Variants in MAP2K1 observed in about 807,000 individuals in gnomAD.
MAP2K1 encodes the protein dual specificity mitogen-activated protein kinase kinase 1.
Under a neutral mutation model 46.3 loss-of-function variants are expected in MAP2K1, and 16 were observed. That is an observed-to-expected ratio of 0.35 (90% CI 0.23 to 0.52). The LOEUF is 0.52. MAP2K1 is among the 20% of genes least tolerant of loss of function. The pLI, the probability that MAP2K1 is intolerant of heterozygous loss-of-function variation, is 0.94. For missense variants in MAP2K1, 263 were observed against 497.1 expected (o/e 0.53, Z 4.48); for synonymous variants, 183 against 185.6 (o/e 0.99, Z 0.11).
chr15:66,489,806 A>G (rs772288069), intron 10 of MAP2K1, 43 bp downstream of exon 10: 34 of 1,511,808 alleles, frequency 2.2e-5, no homozygotes, highest in Non-Finnish European at 3.0e-5. Flanking sequence ...CTGTTTATTC[A>G]TTTGTTCTTC....
chr15:66,465,050 C>G (rs576767592), intron 5 of MAP2K1, among the ~76,000 whole-genome samples: 63 of 151,446 alleles, frequency 4.2e-4, no homozygotes, highest in Non-Finnish European at 6.5e-4. Context: ...TGGTGAAACC[C>G]CATCTCTACC....
At chr15:66,406,326 T>C (rs1426664480) in intron 1 of MAP2K1, among the ~76,000 whole-genome samples, 1 of 152,136 alleles carries the variant, frequency 6.6e-6, no homozygotes, top group Non-Finnish European at 1.5e-5. Context: ...ACTTCATAGC[T>C]CTGAAGTAAA....
At chr15:66,463,773 C>CA (rs1159747873) in intron 5 of MAP2K1, among the ~76,000 whole-genome samples, 19 of 152,180 alleles carry the variant, frequency 1.2e-4, no homozygotes, top group African/African-American at 4.6e-4. Flanking sequence ...CGTGAGCCAC[C>CA]ACGCCTGGCC....
chr15:66,446,553 G>T, intron 5 of MAP2K1: 1 of 182,520 alleles, frequency 5.5e-6, no homozygotes, highest in Non-Finnish European at 1.2e-5. Flanking sequence ...TGGTTCTGTG[G>T]GCCCGAGTTA....
At chr15:66,420,116 C>T (rs2093434186) in intron 1 of MAP2K1, among the ~76,000 whole-genome samples, 1 of 151,766 alleles carries the variant, frequency 6.6e-6, no homozygotes, top group African/African-American at 2.4e-5. Flanking sequence ...TGGTGGTGGG[C>T]ACCTGTAGTC....
At position 66,435,259 on chromosome 15, in the gene MAP2K1, G is replaced by C. The variant is rs16949924; in HGVS notation, c.291+22G>C. 530,973 of 1,596,254 alleles carry C rather than the reference G, an allele frequency of 0.33. 91,229 individuals are homozygous for C. Among genetic ancestry groups the C allele is most frequent in the South Asian group, 0.37 (33,616 of 90,718 alleles). ...AAAGGTGAGTTTGCCTTGATTAACA[G>C]GTAATTGGATTATTTCTCAGGGTAC... On this transcript the variant is annotated intron_variant, in intron 2 of 10. Coordinates refer to ENST00000307102, the MANE Select transcript of MAP2K1 (RefSeq NM_002755.4).
intron 1 of MAP2K1, among the ~76,000 whole-genome samples, chr15:66,424,923 G>T (rs970340535): frequency 3.4e-5 from 5 of 147,534 alleles, no homozygotes; most frequent in African/African-American, 1.2e-4. Context: ...TCAGCCTCCC[G>T]AGTAGCTGGG....
intron 1 of MAP2K1, chr15:66,414,820 G>T: frequency 4.6e-6 from 1 of 218,534 alleles, no homozygotes; most frequent in Non-Finnish European, 9.2e-6. Flanking sequence ...TTTATTTGGA[G>T]GTTAATTCCC....
chr15:66,393,941 A>C (rs1764466243), intron 1 of MAP2K1, among the ~76,000 whole-genome samples: 1 of 151,954 alleles, frequency 6.6e-6, no homozygotes, highest in Non-Finnish European at 1.5e-5. Flanking sequence ...ATTTTGCCTT[A>C]TTTTTCTTTG....
intron 5 of MAP2K1, among the ~76,000 whole-genome samples, chr15:66,474,822 T>C (rs998624259): frequency 6.6e-6 from 1 of 151,846 alleles, no homozygotes; most frequent in African/African-American, 2.4e-5. Context: ...ATAGTATATT[T>C]GAACTGGGGA....
chr15:66,432,207 C>G (rs757010596), intron 1 of MAP2K1, among the ~76,000 whole-genome samples: 2 of 152,150 alleles, frequency 1.3e-5, no homozygotes, highest in African/African-American at 2.4e-5. Flanking sequence ...CTCATCCATA[C>G]ACACCTGCCA....
chr15:66,472,517 A>G (rs1892662143), intron 5 of MAP2K1, among the ~76,000 whole-genome samples: 1 of 152,000 alleles, frequency 6.6e-6, no homozygotes, highest in African/African-American at 2.4e-5. Context: ...GACCTATGAG[A>G]TCACCGTGGC....
Position 66,489,776 on chromosome 15 carries a change from A to C in MAP2K1, c.1068+13A>C. ...GAAGCAACTCATGGTGAGTCTATTT[A>C]TTCCGGATTCTTACAGTACCTGTTT... On this transcript the variant is annotated intron_variant, in intron 10 of 10. Transcript: ENST00000307102. The C allele has an allele frequency of 6.2e-7, 1 of 1,606,026 alleles. No homozygotes were observed. Among genetic ancestry groups the C allele is most frequent in the East Asian group, 2.2e-5 (1 of 44,870 alleles).
At chr15:66,489,424 CT>C in intron 9 of MAP2K1, 148 bp downstream of exon 9, 3 of 800,682 alleles carry the variant, frequency 3.7e-6, no homozygotes, top group East Asian at 2.6e-5. Flanking sequence ...GCCATAAGCC[CT>C]TTTTTAGAGT....
In MAP2K1 at chr15:66,392,254, G is replaced by GTTTTTTTTTTTTTTTT. The variant is rs374203054; in HGVS notation, c.80+4827_80+4828insTTTTTTTTTTTTTTTT. Among the ~76,000 whole-genome samples the GTTTTTTTTTTTTTTTT allele has an allele frequency of 3.0e-4, 24 of 79,668 alleles. 2 individuals carry two copies. Among genetic ancestry groups the GTTTTTTTTTTTTTTTT allele is most frequent in the East Asian group, 5.1e-4 (1 of 1,980 alleles). The allele number at this position is 79,668 out of a possible 152,430, so 52.3% of individuals were successfully genotyped here. On this transcript the variant is annotated intron_variant, in intron 1 of 10. Transcript: ENST00000307102. ...CACGAATATTTGTGTGTTTTTTTTGGGTTTTTTTTTTTTTTTTTTTTTTTT... is the reference window on the plus strand; with the variant it reads ...CACGAATATTTGTGTGTTTTTTTTGGTTTTTTTTTTTTTTTTGTTTTTTTTTTTTTTTTTTTTTTTT...
intron 1 of MAP2K1, among the ~76,000 whole-genome samples, chr15:66,407,079 C>T (rs2093399226): frequency 1.3e-5 from 2 of 152,128 alleles, no homozygotes; most frequent in African/African-American, 2.4e-5. Flanking sequence ...TTTCCAACTG[C>T]CCAACATCAC....
intron 1 of MAP2K1, among the ~76,000 whole-genome samples, chr15:66,416,775 G>T (rs1404478831): frequency 6.6e-6 from 1 of 152,158 alleles, no homozygotes; most frequent in African/African-American, 2.4e-5. Context: ...TGGAAGGTTT[G>T]GGGTGGGGAG....
intron 1 of MAP2K1, among the ~76,000 whole-genome samples, chr15:66,398,484 A>G (rs1302345919): frequency 6.6e-6 from 1 of 151,842 alleles, no homozygotes; most frequent in Admixed American, 6.6e-5. Flanking sequence ...AAGGAGACAT[A>G]CAGATCAAAT....
intron 1 of MAP2K1, among the ~76,000 whole-genome samples, chr15:66,421,238 C>T (rs1012159186): frequency 6.6e-5 from 10 of 151,714 alleles, no homozygotes; most frequent in Admixed American, 2.6e-4. Flanking sequence ...CGGGTTCAAG[C>T]GATCCTTCTG....
Sources: gnomAD v4.1 joint callset for allele counts (sites outside exome capture counted in the v4.1 genomes callset) on GRCh38, gnomAD v4.1.1 for gene constraint, MANE v1.5 for transcripts, NCBI Gene and HGNC (gene_info 2026-07-23, HGNC 2026-07-21) for gene names.